SLC46A1: variants seen among roughly 807,000 people sequenced by gnomAD.
SLC46A1 encodes proton-coupled folate transporter.
SLC46A1 carries 17 observed loss-of-function variants against 32.1 expected under a neutral mutation model. That is an observed-to-expected ratio of 0.53 (90% CI 0.36 to 0.79). The LOEUF (loss-of-function observed/expected upper bound fraction) is 0.79. Ranked by LOEUF, SLC46A1 falls within the 30% of genes least tolerant of loss-of-function variation. SLC46A1 has a pLI of 0.00. For synonymous variants in SLC46A1, 240 were observed against 262.7 expected, an observed-to-expected ratio of 0.91 and a Z score of 0.84; for missense variants, 517 against 588.2, an observed-to-expected ratio of 0.88 and a Z score of 1.25.
chr17:28,397,524 A>G lies in SLC46A1; in HGVS notation c.*2132T>C, dbSNP rs1156383673. 1 of 152,218 alleles carries G rather than the reference A, an allele frequency of 6.6e-6. No individual in the cohort carries two copies. Among genetic ancestry groups the G allele is most frequent in the Non-Finnish European group, 1.5e-5 (1 of 68,048 alleles). 9.4% of individuals were successfully genotyped at this position (152,218 alleles called of 1,614,324 possible). ...ACACTGAGGCTCAGAAAGGTTGAGG[A>G]TAAGCCCACTTTCCTGTCATTAGTG... is the stretch of plus-strand genomic sequence containing the variant. On this transcript the variant is annotated 3_prime_UTR_variant, in exon 5 of 5. Transcript: ENST00000612814.
In SLC46A1 at chr17:28,396,672, A is replaced by C; in HGVS notation, c.*2984T>G. On this transcript the variant is annotated 3_prime_UTR_variant, in exon 5 of 5. Coordinates refer to ENST00000612814, the MANE Select transcript of SLC46A1 (RefSeq NM_080669.6). ...CGGAAGGCAGCCTCAGACAGGAATT[A>C]AGGCAATGCCCAGGCGGGCCTGGGC... The C allele has an allele frequency of 4.6e-6, 1 of 216,490 alleles. No homozygotes were observed. The highest frequency in any genetic ancestry group is 9.3e-6 in the Non-Finnish European group (1 of 107,952). The allele number at this position is 216,490 out of a possible 1,614,324, so 13.4% of individuals were successfully genotyped here.
At position 28,404,960 on chromosome 17, in the gene SLC46A1, C is replaced by A. The variant is rs782222724; in HGVS notation, c.737G>T (p.Arg246Leu). Residue 246 changes from arginine (R) to leucine (L), a missense_variant, in exon 2 of 5, where the codon CGT becomes CTT. Arg to Leu is a moderately radical substitution (Grantham distance 102). Coordinates refer to ENST00000612814, the MANE Select transcript of SLC46A1 (RefSeq NM_080669.6). ...EPKSTRLFTF[R>L]HHRSIVQLYV... is the part of the protein sequence containing the mutation. ...GAGCTGGACAATGGATCGGTGGTGA[C>A]GGAACGTGAAGAGCCGGGTGGACTT... 6.8e-6 allele frequency: 11 copies of A among 1,613,994 alleles called. No homozygotes were observed. In the Admixed American group the frequency reaches 1.5e-4, roughly 22 times the overall value.
At chr17:28,400,561 T>G in intron 4 of SLC46A1, 49 bp downstream of exon 4, 1 of 1,604,954 alleles carries the variant, frequency 6.2e-7, no homozygotes, top group Non-Finnish European at 8.5e-7. Flanking sequence ...GAGGAAACTT[T>G]TAAGAGAAAG....
rs1555590896 is a variant in SLC46A1, at chr17:28,405,299, A to G, written c.398T>C (p.Phe133Ser). The G allele has an allele frequency of 1.3e-6, 2 of 1,590,066 alleles. No homozygotes were observed. The highest frequency in any genetic ancestry group is 1.7e-6 in the Non-Finnish European group (2 of 1,168,934). ...GACGTGGAGCTGCAGCTGCACCACA[A>G]AAACGGACACTAGGGCCTGGAGCAG... ...GLLLQALVSV[F>S]VVQLQLHVGY... The change falls in exon 2 of 5, where the codon TTT becomes TCT. Residue 133 changes from phenylalanine (F) to serine (S), a missense_variant. Coordinates refer to ENST00000612814, the MANE Select transcript of SLC46A1 (RefSeq NM_080669.6).
At position 28,406,191 on chromosome 17, in the gene SLC46A1, T is replaced by G; in HGVS notation, c.-77A>C. 3 of 1,138,594 alleles carry G rather than the reference T, an allele frequency of 2.6e-6. No individual in the cohort carries two copies. The highest frequency in any genetic ancestry group is 5.3e-5 in the South Asian group (2 of 37,502). The allele number at this position is 1,138,594 out of a possible 1,614,324, so 70.5% of individuals were successfully genotyped here. ...CTCGCTGCCTGGGACCAGCGACGCG[T>G]GGCGTGGGGCTTGCGCTGTCTGCGC... On this transcript the variant is annotated 5_prime_UTR_variant, in exon 1 of 5. Transcript: ENST00000612814. The surrounding 1 kb of genome is among the most constrained non-coding windows in gnomAD (Gnocchi z 4.5).
chr17:28,404,990 T>C lies in SLC46A1; in HGVS notation c.707A>G (p.Glu236Gly). The change falls in exon 2 of 5, where the codon GAG becomes GGG. Residue 236 changes from glutamate (E) to glycine (G), a missense_variant. Coordinates refer to ENST00000612814, the MANE Select transcript of SLC46A1 (RefSeq NM_080669.6). ...AAFCFGETLKEPKSTRLFTFR... is the reference protein window; with the variant it reads ...AAFCFGETLKGPKSTRLFTFR... ...CGTGAAGAGCCGGGTGGACTTTGGC[T>C]CCTTTAAGGTCTCACCAAAGCAGAA... 1 of 1,613,966 alleles carries C rather than the reference T, an allele frequency of 6.2e-7. No individual in the cohort carries two copies. The highest frequency in any genetic ancestry group is 8.5e-7 in the Non-Finnish European group (1 of 1,179,888).
rs2068140176 is a variant in SLC46A1, at chr17:28,397,416, C to T, written c.*2240G>A. ...GCACGAAGCCCTCACAAATCTTTGC[C>T]ATTTCCCAAACACTCCGCTCCATGG... On this transcript the variant is annotated 3_prime_UTR_variant, in exon 5 of 5. Transcript: ENST00000612814. 1 of 152,178 alleles carries T rather than the reference C, an allele frequency of 6.6e-6. No homozygotes were observed. The highest frequency in any genetic ancestry group is 6.6e-5 in the Admixed American group (1 of 15,258). 9.4% of individuals were successfully genotyped at this position (152,178 alleles called of 1,614,324 possible). A position where few individuals can be genotyped will look rare whatever the true frequency, so the allele number is the denominator to read the frequency against.
At position 28,402,435 on chromosome 17, in the gene SLC46A1, A is replaced by G. The variant is rs17719944; in HGVS notation, c.1082-114T>C. 0.071 allele frequency: 59,005 copies of G among 832,880 alleles called. 2,547 individuals are homozygous for G. The highest frequency in any genetic ancestry group is 0.09 in the Non-Finnish European group (46,520 of 519,548). 51.6% of individuals were successfully genotyped at this position (832,880 alleles called of 1,614,324 possible). A position where few individuals can be genotyped will look rare whatever the true frequency, so the allele number is the denominator to read the frequency against. ...CGTGGGGCTTAGGTTAGACCCAGGA[A>G]GAACTTCCTTGATGGTGAGGGTGGG... On this transcript the variant is annotated intron_variant, in intron 2 of 4. Transcript: ENST00000612814.
rs532678687 is a variant in SLC46A1, at chr17:28,397,508, C to T, written c.*2148G>A. 6.6e-6 allele frequency: 1 copy of T among 152,314 alleles called. No homozygotes were observed. The highest frequency in any genetic ancestry group is 1.9e-4 in the East Asian group (1 of 5,190). The allele number at this position is 152,314 out of a possible 1,614,324, so 9.4% of individuals were successfully genotyped here. On this transcript the variant is annotated 3_prime_UTR_variant, in exon 5 of 5. Coordinates refer to ENST00000612814, the MANE Select transcript of SLC46A1 (RefSeq NM_080669.6). ...CATTTTACAGATAATGACACTGAGG[C>T]TCAGAAAGGTTGAGGATAAGCCCAC...
rs141992236 is a variant in SLC46A1 at position 28,400,676 on chromosome 17, T to C, written c.1256A>G (p.Asn419Ser). The change falls in exon 4 of 5, where the codon AAC (asparagine) becomes AGC (serine). Residue 419 changes from asparagine (N) to serine (S), a missense_variant. Coordinates refer to ENST00000612814, the MANE Select transcript of SLC46A1 (RefSeq NM_080669.6). ...GAGGAAGGGGAACCCCTTCATAAAG[T>C]TCAGAGTGGCTGGGTAGAGTGAGTT... ...IFNSLYPATL[N>S]FMKGFPFLLG... 109 of 1,613,314 alleles carry C rather than the reference T, an allele frequency of 6.8e-5. 1 individual carries two copies. The African/African-American group carries it at 1.2e-3, about 17-fold the overall frequency.
chr17:28,399,860 G>A, intron 4 of SLC46A1, 147 bp from the exon 5 acceptor site: 1 of 779,112 alleles, frequency 1.3e-6, no homozygotes, highest in South Asian at 1.5e-5. Context: ...GCTGAGAGCT[G>A]GAGGACAATA....
rs1302271049 is a variant in SLC46A1, at chr17:28,395,422, C to A, written c.*4234G>T. On this transcript the variant is annotated 3_prime_UTR_variant, in exon 5 of 5. Coordinates refer to ENST00000612814, the MANE Select transcript of SLC46A1 (RefSeq NM_080669.6). ...TCAACCTGGAGGCTCTTCAAAACCC[C>A]TTGTTTGGGGGTTTTTATGGAGGTT... 6.4e-6 allele frequency: 1 copy of A among 157,412 alleles called. No homozygotes were observed. Among genetic ancestry groups the A allele is most frequent in the Non-Finnish European group, 1.4e-5 (1 of 71,122 alleles). The allele number at this position is 157,412 out of a possible 1,614,324, so 9.8% of individuals were successfully genotyped here.
rs1555590994 is a variant in SLC46A1 at position 28,405,395 on chromosome 17, G to A, written c.302C>T (p.Ser101Phe). Residue 101 changes from serine (S) to phenylalanine (F), a missense_variant, in exon 2 of 5, where the codon TCC (serine) becomes TTC (phenylalanine). Physicochemically the swap from Ser to Phe is radical, Grantham distance 155. Transcript: ENST00000612814. ...GTCGCTCCAAGCTCCCAGCAGGGTG[G>A]ACGAGAAGAGCCCCACCAGGAAGCC... ...VGGFLVGLFS[S>F]TLLGAWSDSV... 1 of 1,586,744 alleles carries A rather than the reference G, an allele frequency of 6.3e-7. No homozygotes were observed. Among genetic ancestry groups the A allele is most frequent in the Non-Finnish European group, 8.6e-7 (1 of 1,167,216 alleles).
At chr17:28,402,043 G>A (rs545097871) in intron 3 of SLC46A1, 195 bp downstream of exon 3, 17 of 525,422 alleles carry the variant, frequency 3.2e-5, no homozygotes, top group South Asian at 5.6e-5. Context: ...CCAACTCTGC[G>A]GTTTGAAAAT....
intron 2 of SLC46A1, chr17:28,403,765 C>T (rs1478829900): frequency 1.3e-5 from 2 of 152,214 alleles, no homozygotes; most frequent in Non-Finnish European, 2.9e-5. Context: ...GTAATCCCAA[C>T]ACTTTGGGAG....
chr17:28,394,800 G>A lies in SLC46A1; in HGVS notation c.*4856C>T, dbSNP rs1056327089. The A allele has an allele frequency of 1.3e-5, 2 of 152,228 alleles. No homozygotes were observed. The highest frequency in any genetic ancestry group is 2.9e-5 in the Non-Finnish European group (2 of 68,038). The allele number at this position is 152,228 out of a possible 1,614,324, so 9.4% of individuals were successfully genotyped here. On this transcript the variant is annotated 3_prime_UTR_variant, in exon 5 of 5. Coordinates refer to ENST00000612814, the MANE Select transcript of SLC46A1 (RefSeq NM_080669.6). The stretch of plus-strand genomic sequence containing the variant: ...GGGGTGAGCATTCCAAACTGGAGAA[G>A]TTAAGGTTTCACTTCCACAGGCAAA...
At position 28,400,511 on chromosome 17, in the gene SLC46A1, A is replaced by C; in HGVS notation, c.1322+99T>G. 3 of 1,494,916 alleles carry C rather than the reference A, an allele frequency of 2.0e-6. No homozygotes were observed. In the South Asian group the frequency reaches 3.7e-5, roughly 19 times the overall value. The allele number at this position is 1,494,916 out of a possible 1,614,324, so 92.6% of individuals were successfully genotyped here. On this transcript the variant is annotated intron_variant, in intron 4 of 4. Coordinates refer to ENST00000612814, the MANE Select transcript of SLC46A1 (RefSeq NM_080669.6). ...GGGACAAGACACCCAGAGGGTAAGG[A>C]TTCCAGGAATGAAGCTGCCATTTCT...
Position 28,396,212 on chromosome 17 carries a change from G to A in SLC46A1, c.*3444C>T, listed in dbSNP as rs782530413. 1.2e-6 allele frequency: 2 copies of A among 1,613,928 alleles called. No individual in the cohort carries two copies. The highest frequency in any genetic ancestry group is 1.6e-4 in the Middle Eastern group (1 of 6,062). On this transcript the variant is annotated 3_prime_UTR_variant, in exon 5 of 5. Coordinates refer to ENST00000612814, the MANE Select transcript of SLC46A1 (RefSeq NM_080669.6). ...TGAGAAGATCATCCGCTTCCTGCAG[G>A]GCCGCTCCTCCCGGGACTCATCTGC...
chr17:28,396,425 C>T lies in SLC46A1; in HGVS notation c.*3231G>A, dbSNP rs2068124861. 3 of 968,682 alleles carry T rather than the reference C, an allele frequency of 3.1e-6. No homozygotes were observed. Among genetic ancestry groups the T allele is most frequent in the Non-Finnish European group, 4.6e-6 (3 of 648,938 alleles). 60.0% of individuals were successfully genotyped at this position (968,682 alleles called of 1,614,324 possible). ...AATGGCTCTCCCTCCCCCTGTCCCC[C>T]ACCCTCATGGCCCACCTCCAACCCA... On this transcript the variant is annotated 3_prime_UTR_variant, in exon 5 of 5. Coordinates refer to ENST00000612814, the MANE Select transcript of SLC46A1 (RefSeq NM_080669.6).
Sources: gnomAD v4.1 joint callset for allele counts on GRCh38, gnomAD v4.1.1 for gene constraint, Gnocchi (gnomAD v3.1) non-coding constraint, MANE v1.5 for transcripts, NCBI Gene and HGNC (gene_info 2026-07-23, HGNC 2026-07-21) for gene names.